CHCHD6: variants seen among roughly 807,000 people sequenced by gnomAD.
CHCHD6 encodes coiled-coil-helix-coiled-coil-helix domain containing 6.
Under a neutral mutation model 32.3 loss-of-function variants are expected in CHCHD6, and 28 were observed. The ratio of observed to expected loss-of-function variants is 0.87; its 90% CI spans 0.64 to 1.19. The LOEUF (loss-of-function observed/expected upper bound fraction) is 1.19, where lower values mean the gene tolerates loss of function less well. Among genes scored for constraint, CHCHD6 ranks in the 50% most tolerant of loss-of-function variants. The probability of loss-of-function intolerance (pLI) is 0.00; values close to 1 mark genes in which losing one functional copy is unlikely to be tolerated. For synonymous variants in CHCHD6, 122 were observed against 117.5 expected (o/e 1.04, Z -0.25); for missense variants, 333 against 307.0 (o/e 1.08, Z -0.63).
intron 4 of CHCHD6, among the ~76,000 whole-genome samples, chr3:126,796,843 C>T (rs1295002532): frequency 1.3e-5 from 2 of 152,148 alleles, no homozygotes; most frequent in East Asian, 3.9e-4. Flanking sequence ...CTTCCTTGCC[C>T]TCCACTGTAT....
At chr3:126,736,731 C>T (rs1261207438) in intron 4 of CHCHD6, among the ~76,000 whole-genome samples, 1 of 152,012 alleles carries the variant, frequency 6.6e-6, no homozygotes, top group East Asian at 1.9e-4. Context: ...CTGGTGGTGC[C>T]CTGGTTCTGG....
intron 4 of CHCHD6, among the ~76,000 whole-genome samples, chr3:126,739,625 G>C (rs1489162704): frequency 2.0e-5 from 3 of 152,194 alleles, no homozygotes; most frequent in African/African-American, 7.2e-5. Flanking sequence ...TCAGTCTTCT[G>C]ATATGTAAAA....
At chr3:126,754,262 G>A (rs1460290644) in intron 4 of CHCHD6, among the ~76,000 whole-genome samples, 1 of 152,216 alleles carries the variant, frequency 6.6e-6, no homozygotes, top group Non-Finnish European at 1.5e-5. Context: ...TACAGGGACA[G>A]CAATATTGAC....
chr3:126,800,781 A>G (rs79303172), intron 4 of CHCHD6, among the ~76,000 whole-genome samples: 4,466 of 152,260 alleles, frequency 0.029, 98 homozygotes, highest in Non-Finnish European at 0.039. Context: ...TCCTCACTAT[A>G]CTCGAAGAAA....
intron 5 of CHCHD6, among the ~76,000 whole-genome samples, chr3:126,876,033 T>C (rs2077535133): frequency 6.6e-6 from 1 of 152,344 alleles, no homozygotes; most frequent in East Asian, 1.9e-4. Flanking sequence ...TAGAATCTGG[T>C]AGTTTGCTGG....
chr3:126,706,919 T>G (rs2107648065), intron 1 of CHCHD6, among the ~76,000 whole-genome samples: 1 of 152,304 alleles, frequency 6.6e-6, no homozygotes. Flanking sequence ...TTAATGACCA[T>G]TTGTATTTAA....
intron 1 of CHCHD6, among the ~76,000 whole-genome samples, chr3:126,714,793 TC>T (rs1428924056): frequency 6.6e-6 from 1 of 152,156 alleles, no homozygotes; most frequent in Non-Finnish European, 1.5e-5. Flanking sequence ...TAGGCCTGTC[TC>T]GGCTGCTGAC....
At chr3:126,801,726 C>A (rs1029758315) in intron 4 of CHCHD6, among the ~76,000 whole-genome samples, 1 of 152,210 alleles carries the variant, frequency 6.6e-6, no homozygotes, top group African/African-American at 2.4e-5. Context: ...TCCCAGCACG[C>A]AGCTGGAGAT....
intron 6 of CHCHD6, among the ~76,000 whole-genome samples, chr3:126,950,591 C>T (rs1443189036): frequency 6.6e-6 from 1 of 152,222 alleles, no homozygotes; most frequent in African/African-American, 2.4e-5. Context: ...ACTGGGATTA[C>T]AGGCCCTCAC....
At chr3:126,920,327 G>C (rs1057474814) in intron 6 of CHCHD6, among the ~76,000 whole-genome samples, 3 of 149,456 alleles carry the variant, frequency 2.0e-5, no homozygotes, top group African/African-American at 7.4e-5. Flanking sequence ...TACTTCTGTT[G>C]CCTTTTTTTT....
chr3:126,776,565 T>C (rs1388774234), intron 4 of CHCHD6, among the ~76,000 whole-genome samples: 1 of 152,224 alleles, frequency 6.6e-6, no homozygotes, highest in Non-Finnish European at 1.5e-5. Context: ...ACCATGTTTA[T>C]CTTAGGCATA....
intron 4 of CHCHD6, among the ~76,000 whole-genome samples, chr3:126,788,820 C>T (rs1484373259): frequency 1.3e-5 from 2 of 152,122 alleles, no homozygotes; most frequent in Non-Finnish European, 2.9e-5. Flanking sequence ...TCTCTATCTC[C>T]TTCAGTTCTG....
At chr3:126,892,103 G>A (rs756285310) in intron 5 of CHCHD6, among the ~76,000 whole-genome samples, 1 of 152,104 alleles carries the variant, frequency 6.6e-6, no homozygotes, top group South Asian at 2.1e-4. Flanking sequence ...CCAAAACCTC[G>A]GCTCTGAGCA....
intron 4 of CHCHD6, among the ~76,000 whole-genome samples, chr3:126,748,371 G>A (rs1936589677): frequency 1.3e-5 from 2 of 152,156 alleles, no homozygotes; most frequent in Non-Finnish European, 2.9e-5. Context: ...AAGGCGGATG[G>A]ATCACCTGAG....
chr3:126,788,018 G>A (rs1373182666), intron 4 of CHCHD6, among the ~76,000 whole-genome samples: 1 of 151,900 alleles, frequency 6.6e-6, no homozygotes, highest in Non-Finnish European at 1.5e-5. Context: ...CTAATTTATT[G>A]AGAGTTTTTA....
chr3:126,886,176 A>G (rs1388067821), intron 5 of CHCHD6, among the ~76,000 whole-genome samples: 1 of 152,250 alleles, frequency 6.6e-6, no homozygotes, highest in Non-Finnish European at 1.5e-5. Flanking sequence ...TCTGTTTTAG[A>G]GATAGAAGCT....
intron 5 of CHCHD6, among the ~76,000 whole-genome samples, chr3:126,890,459 A>G (rs919923435): frequency 1.3e-5 from 2 of 152,106 alleles, no homozygotes; most frequent in African/African-American, 4.8e-5. Context: ...GGTTAGTTCC[A>G]TTAGACCCAC....
At chr3:126,866,027 G>T (rs1485467468) in intron 5 of CHCHD6, among the ~76,000 whole-genome samples, 2 of 152,146 alleles carry the variant, frequency 1.3e-5, no homozygotes, top group African/African-American at 2.4e-5. Context: ...AGTGCAGAGA[G>T]AATCACAAAT....
intron 6 of CHCHD6, chr3:126,957,201 G>A: frequency 1.6e-6 from 1 of 608,758 alleles, no homozygotes; most frequent in Non-Finnish European, 2.9e-6. Flanking sequence ...TATATTGTGA[G>A]CCTAAGCCAC....
Sources: allele counts gnomAD v4.1 joint callset (sites outside exome capture counted in the v4.1 genomes callset), GRCh38; gene constraint gnomAD v4.1.1; transcripts MANE v1.5; gene names NCBI Gene and HGNC (gene_info 2026-07-23, HGNC 2026-07-21).